Variants in GGN observed in about 807,000 individuals in gnomAD.
GGN encodes the protein gametogenetin.
Under a neutral mutation model 35.5 loss-of-function variants are expected in GGN, and 27 were observed. The ratio of observed to expected loss-of-function variants is 0.76; its 90% CI spans 0.56 to 1.05. The LOEUF is 1.05. Among genes scored for constraint, GGN ranks in the 50% least tolerant of loss-of-function variants. The pLI, the probability that GGN is intolerant of heterozygous loss-of-function variation, is 0.00. For synonymous variants in GGN, 425 were observed against 444.1 expected (o/e 0.96, Z 0.54); for missense variants, 1,006 against 940.7 (o/e 1.07, Z -0.91).
upstream of GGN, chr19:38,388,326 C>A (rs1970768927): frequency 5.1e-6 from 2 of 394,260 alleles, no homozygotes; most frequent in Non-Finnish European, 8.9e-6. Flanking sequence ...AGCATCCAAA[C>A]CTCCTTATAC....
rs1301236134 is a variant in GGN at position 38,385,808 on chromosome 19, G to A, written c.1454C>T (p.Pro485Leu). The change falls in exon 3 of 4, where the codon CCC becomes CTC. Residue 485 changes from proline (P) to leucine (L), a missense_variant. Transcript: ENST00000334928. Reference sequence around the variant, plus strand: ...GGCCTGGTCGGCGGCTAAGGCTGGGGGCAGAGCAGGGGCTGCGGTGGGAGC... The same window carrying A: ...GGCCTGGTCGGCGGCTAAGGCTGGGAGCAGAGCAGGGGCTGCGGTGGGAGC... ...ALAPTAAPAL[P>L]PALAADQAPA... is the part of the protein sequence containing the mutation. The A allele has an allele frequency of 2.2e-5, 34 of 1,541,740 alleles. No homozygotes were observed. The highest frequency in any genetic ancestry group is 2.8e-5 in the Non-Finnish European group (32 of 1,148,298).
chr19:38,387,569 C>CT lies in GGN; in HGVS notation c.-20+191dup, dbSNP rs1462654347. 3.3e-5 allele frequency among the ~76,000 whole-genome samples: 5 copies of CT among 152,130 alleles called. No individual in the cohort carries two copies. In the East Asian group the frequency reaches 9.6e-4, roughly 29 times the overall value. ...CATGCTGATCCCTCAGTCCTCTCCT[C>CT]TAACTCTCCGACTCCCCGCCTCTCT... is the stretch of plus-strand genomic sequence containing the variant. On this transcript the variant is annotated intron_variant, in intron 2 of 3. Transcript: ENST00000334928. The surrounding 1 kb of genome is among the most constrained non-coding windows in gnomAD (Gnocchi z 5.3).
chr19:38,385,296 T>C (rs1970689096), intron 3 of GGN, 125 bp downstream of exon 3: 4 of 1,304,338 alleles, frequency 3.1e-6, no homozygotes, highest in Non-Finnish European at 4.2e-6. Context: ...GGAGCTCAGC[T>C]AGGTTTGAGA....
Position 38,387,579 on chromosome 19 carries a change from G to A in GGN, c.-20+182C>T, listed in dbSNP as rs370224230. Among the ~76,000 whole-genome samples the A allele has an allele frequency of 2.2e-4, 34 of 152,118 alleles. No homozygotes were observed. In the East Asian group the frequency reaches 2.3e-3, roughly 10 times the overall value. ...CCTCAGTCCTCTCCTCTAACTCTCC[G>A]ACTCCCCGCCTCTCTCTAGAGCACC... On this transcript the variant is annotated intron_variant, in intron 2 of 3. Transcript: ENST00000334928. This position sits in a 1 kb window ranked among gnomAD's most constrained non-coding sequence, Gnocchi z 5.3.
In GGN at chr19:38,387,041, G is replaced by C; in HGVS notation, c.221C>G (p.Pro74Arg). Residue 74 changes from proline (P) to arginine (R), a missense_variant, in exon 3 of 4, where the codon CCC becomes CGC. By Grantham distance (103) the Pro-to-Arg change is moderately radical. Transcript: ENST00000334928. The surrounding 1 kb of genome is among the most constrained non-coding windows in gnomAD (Gnocchi z 5.3). Reference protein sequence around the residue: ...REPQASPSTLPLTLERPSPVM... With the variant: ...REPQASPSTLRLTLERPSPVM... ...TGGAGAGGGCCGTTCTAAGGTGAGG[G>C]GCAGGGTCGAGGGTGAGGCCTGGGG... The C allele has an allele frequency of 1.3e-6, 2 of 1,555,414 alleles. No homozygotes were observed. Among genetic ancestry groups the C allele is most frequent in the Non-Finnish European group, 1.7e-6 (2 of 1,149,398 alleles).
Position 38,385,771 on chromosome 19 carries a change from G to GGATGGGGCCGGGGCCGGGGCCGGA in GGN, c.1490_1491insTCCGGCCCCGGCCCCGGCCCCATC (p.Ala495_Pro502dup). On this transcript the variant is annotated inframe_insertion, in exon 3 of 4. Transcript: ENST00000334928. ...CAGCCACGGTGGGAGCTGGAGCCGG[G>GGATGGGGCCGGGGCCGGGGCCGGA]GATGGGGCCGGGGCCTGGTCGGCGG... 2 of 1,574,882 alleles carry GGATGGGGCCGGGGCCGGGGCCGGA rather than the reference G, an allele frequency of 1.3e-6. No individual in the cohort carries two copies. The highest frequency in any genetic ancestry group is 2.3e-5 in the East Asian group (1 of 43,316).
chr19:38,386,528 A>T lies in GGN; in HGVS notation c.734T>A (p.Ile245Asn). 1 of 1,613,188 alleles carries T rather than the reference A, an allele frequency of 6.2e-7. No individual in the cohort carries two copies. The highest frequency in any genetic ancestry group is 8.5e-7 in the Non-Finnish European group (1 of 1,179,974). ...CAAAGAGGGCCTCGACTTGAAGGTG[A>T]TTTTACACAGCAGGCTCAGACCGGA... Reference protein sequence around the residue: ...SESGLSLLCKITFKSRPSLAP... With the variant: ...SESGLSLLCKNTFKSRPSLAP... Residue 245 changes from isoleucine to asparagine, a missense_variant, in exon 3 of 4, where the codon ATC (isoleucine) becomes AAC (asparagine). Ile to Asn is a moderately radical substitution (Grantham distance 149). Coordinates refer to ENST00000334928, the MANE Select transcript of GGN (RefSeq NM_152657.4).
chr19:38,385,589 T>C lies in GGN; in HGVS notation c.1673A>G (p.Asp558Gly), dbSNP rs1970695866. Residue 558 changes from aspartate to glycine, a missense_variant, in exon 3 of 4, where the codon GAC (aspartate) becomes GGC (glycine). By Grantham distance (94) the Asp-to-Gly change is moderately conservative. Coordinates refer to ENST00000334928, the MANE Select transcript of GGN (RefSeq NM_152657.4). The stretch of plus-strand genomic sequence containing the variant: ...GCCACCACCCCCTCCACCACTGCTG[T>C]CAGGCACGGTAGCTGTAGCTCGTTC... ...PRERATATVP[D>G]SSGGGGGGSG... 6.2e-7 allele frequency: 1 copy of C among 1,614,018 alleles called. No homozygotes were observed. The highest frequency in any genetic ancestry group is 1.3e-5 in the African/African-American group (1 of 74,934).
Position 38,384,531 on chromosome 19 carries a change from T to C in GGN, c.1842-2A>G. On this transcript the variant is annotated splice_acceptor_variant, in intron 3 of 3. Transcript: ENST00000334928. LOFTEE classifies it high-confidence loss of function. Reference sequence around the variant, plus strand: ...AGGTGGTTGGTGGATGTGCTCAGCCTAGTGGGGGAGGGTAGAGTCAGCAAA... The same window carrying C: ...AGGTGGTTGGTGGATGTGCTCAGCCCAGTGGGGGAGGGTAGAGTCAGCAAA... The C allele has an allele frequency of 6.2e-7, 1 of 1,612,342 alleles. No homozygotes were observed. The highest frequency in any genetic ancestry group is 8.5e-7 in the Non-Finnish European group (1 of 1,178,764).
chr19:38,386,177 C>G lies in GGN; in HGVS notation c.1085G>C (p.Arg362Pro), dbSNP rs774896542. The part of the protein sequence containing the change: ...DWVSAPDGPE[R>P]HFRFNGAGGG... ...GCCAGCCCCGTTGAAGCGGAAGTGG[C>G]GTTCAGGGCCGTCGGGAGCGCTAAC... The change falls in exon 3 of 4, where the codon CGC becomes CCC. Residue 362 changes from arginine (R) to proline (P), a missense_variant. Transcript: ENST00000334928. 1.9e-6 allele frequency: 3 copies of G among 1,596,898 alleles called. No homozygotes were observed. The highest frequency in any genetic ancestry group is 2.6e-6 in the Non-Finnish European group (3 of 1,176,372).
Position 38,385,956 on chromosome 19 carries a change from C to A in GGN, c.1306G>T (p.Glu436Ter). The part of the protein sequence containing the change: ...PMRPGPPGLQ[E>*]LPPLPPPTPP... ...GTGGGCGGTGGCAGCGGTGGTAACT[C>A]CTGCAGGCCTGGAGGCCCCGGGCGC... Residue 436 changes from glutamate (E) to a stop codon, truncating the protein, a stop_gained, in exon 3 of 4, where the codon GAG (glutamate) becomes TAG (stop). Transcript: ENST00000334928. LOFTEE classifies it high-confidence loss of function. 1 of 1,600,112 alleles carries A rather than the reference C, an allele frequency of 6.2e-7. No homozygotes were observed. The highest frequency in any genetic ancestry group is 8.5e-7 in the Non-Finnish European group (1 of 1,174,078).
Position 38,385,641 on chromosome 19 carries a change from C to G in GGN, c.1621G>C (p.Asp541His). ...SRAARGATRK[D>H]GLHGDGPRER... is the part of the protein sequence containing the mutation. ...CGAGGACCATCTCCATGCAAGCCAT[C>G]CTTACGGGTCGCGCCCCGGGCTGCA... The change falls in exon 3 of 4, where the codon GAT becomes CAT. Residue 541 changes from aspartate (D) to histidine (H), a missense_variant. Transcript: ENST00000334928. 1 of 1,614,052 alleles carries G rather than the reference C, an allele frequency of 6.2e-7. No homozygotes were observed. Among genetic ancestry groups the G allele is most frequent in the Non-Finnish European group, 8.5e-7 (1 of 1,179,998 alleles).
At chr19:38,384,559 C>T (rs1970679021) in intron 3 of GGN, 30 bp from the exon 4 acceptor site, 1 of 1,544,360 alleles carries the variant, frequency 6.5e-7, no homozygotes, top group Non-Finnish European at 8.9e-7. Flanking sequence ...TCAGCAAAGC[C>T]CAGCAATGGG....
At position 38,385,487 on chromosome 19, in the gene GGN, C is replaced by CA. The variant is rs1970692796; in HGVS notation, c.1774dup (p.Cys592LeufsTer79). ...GTGGTGGCAGTAACACTTGCAGGGA[C>CA]AGGAGTTAAGCACCTGGAAGGGCAG... is the stretch of plus-strand genomic sequence containing the variant. On this transcript the variant is annotated frameshift_variant, in exon 3 of 4. Transcript: ENST00000334928. LOFTEE classifies it high-confidence loss of function. 1.2e-6 allele frequency: 2 copies of CA among 1,614,008 alleles called. No individual in the cohort carries two copies. The highest frequency in any genetic ancestry group is 2.7e-5 in the African/African-American group (2 of 74,942).
At position 38,385,781 on chromosome 19, in the gene GGN, G is replaced by T; in HGVS notation, c.1481C>A (p.Pro494Gln). ...GGGAGCTGGAGCCGGGGATGGGGCC[G>T]GGGCCTGGTCGGCGGCTAAGGCTGG... ...LPPALAADQAPAPSPAPAPTV... is the reference protein window; with the variant it reads ...LPPALAADQAQAPSPAPAPTV... The change falls in exon 3 of 4, where the codon CCG (proline) becomes CAG (glutamine). Residue 494 changes from proline to glutamine, a missense_variant. Transcript: ENST00000334928. 8.3e-6 allele frequency: 13 copies of T among 1,562,250 alleles called. No individual in the cohort carries two copies. The highest frequency in any genetic ancestry group is 9.5e-6 in the Non-Finnish European group (11 of 1,158,418).
chr19:38,387,030 C>T lies in GGN; in HGVS notation c.232G>A (p.Glu78Lys), dbSNP rs1438576909. Residue 78 changes from glutamate (E) to lysine (K), a missense_variant, in exon 3 of 4, where the codon GAA becomes AAA. By Grantham distance (56) the Glu-to-Lys change is moderately conservative. Coordinates refer to ENST00000334928, the MANE Select transcript of GGN (RefSeq NM_152657.4). This position sits in a 1 kb window ranked among gnomAD's most constrained non-coding sequence, Gnocchi z 5.3. ...GGGGGCATCACTGGAGAGGGCCGTT[C>T]TAAGGTGAGGGGCAGGGTCGAGGGT... ...ASPSTLPLTL[E>K]RPSPVMPPPE... The T allele has an allele frequency of 1.9e-6, 3 of 1,553,830 alleles. No individual in the cohort carries two copies. Among genetic ancestry groups the T allele is most frequent in the Admixed American group, 1.9e-5 (1 of 51,788 alleles).
Position 38,385,978 on chromosome 19 carries a change from G to A in GGN, c.1284C>T (p.Arg428=), listed in dbSNP as rs1282090819. 1.9e-6 allele frequency: 3 copies of A among 1,605,982 alleles called. No homozygotes were observed. The highest frequency in any genetic ancestry group is 1.7e-6 in the Non-Finnish European group (2 of 1,176,472). Residue 428 remains arginine (R), a synonymous_variant, in exon 3 of 4, where the codon CGC becomes CGT. Transcript: ENST00000334928. ...ACTCCTGCAGGCCTGGAGGCCCCGG[G>A]CGCATGGGCTCGCCATTGGTGGGTG... ...FPAPTNGEPM[R]PGPPGLQELP...
rs1325791668 is a variant in GGN at position 38,387,111 on chromosome 19, A to T, written c.151T>A (p.Phe51Ile). 6.4e-7 allele frequency: 1 copy of T among 1,560,982 alleles called. No individual in the cohort carries two copies. Residue 51 changes from phenylalanine to isoleucine, a missense_variant, in exon 3 of 4, where the codon TTC becomes ATC. Coordinates refer to ENST00000334928, the MANE Select transcript of GGN (RefSeq NM_152657.4). This position sits in a 1 kb window ranked among gnomAD's most constrained non-coding sequence, Gnocchi z 5.3. ...MRLTRGLGVW[F>I]PGSATPPGLM... is the part of the protein sequence containing the mutation. ...CCCGGGGGTGTGGCGCTGCCAGGGA[A>T]CCAGACACCCAGCCCACGAGTCAGG...
chr19:38,387,017 G>A lies in GGN; in HGVS notation c.245C>T (p.Pro82Leu). ...CGCCTCTTCAGGAGGGGGCATCACT[G>A]GAGAGGGCCGTTCTAAGGTGAGGGG... ...TLPLTLERPS[P>L]VMPPPEEAAA... is the part of the protein sequence containing the mutation. The change falls in exon 3 of 4, where the codon CCA becomes CTA. Residue 82 changes from proline (P) to leucine (L), a missense_variant. By Grantham distance (98) the Pro-to-Leu change is moderately conservative. Coordinates refer to ENST00000334928, the MANE Select transcript of GGN (RefSeq NM_152657.4). The surrounding 1 kb of genome is among the most constrained non-coding windows in gnomAD (Gnocchi z 5.3). 6.5e-7 allele frequency: 1 copy of A among 1,547,508 alleles called. No homozygotes were observed. Among genetic ancestry groups the A allele is most frequent in the Non-Finnish European group, 8.7e-7 (1 of 1,145,372 alleles).
Sources: allele counts gnomAD v4.1 joint callset (sites outside exome capture counted in the v4.1 genomes callset), GRCh38; gene constraint gnomAD v4.1.1; non-coding constraint Gnocchi (gnomAD v3.1); transcripts MANE v1.5; gene names NCBI Gene and HGNC (gene_info 2026-07-23, HGNC 2026-07-21).